Variants in CRB2 observed in about 807,000 individuals in gnomAD.
CRB2 encodes the protein crumbs cell polarity complex component 2.
In CRB2, 85 loss-of-function variants were observed where a neutral mutation model predicts 110.9. The ratio of observed to expected loss-of-function variants is 0.77; its 90% CI spans 0.64 to 0.92. CRB2 has a LOEUF of 0.92. Ranked by LOEUF, CRB2 falls within the 40% of genes least tolerant of loss-of-function variation. The pLI is 0.00. For synonymous variants in CRB2, 907 were observed against 831.0 expected, an observed-to-expected ratio of 1.09 and a Z score of -1.57; for missense variants, 1,843 against 1,851.3, an observed-to-expected ratio of 1.00 and a Z score of 0.08.
chr9:123,371,350 C>T lies in CRB2; in HGVS notation c.2208C>T (p.Asp736=), dbSNP rs1348716749. The change falls in exon 8 of 13, where the codon GAC becomes GAT. Residue 736 remains aspartate (D), a synonymous_variant. Coordinates refer to ENST00000373631, the MANE Select transcript of CRB2 (RefSeq NM_173689.7). ...TGGTGATGCTCAGCTTCGGGCCTGA[C>T]CAGCTGCAGGACCTGGGGCAGCACG... ...RHLVMLSFGP[D]QLQDLGQHVH... The T allele has an allele frequency of 2.2e-5, 35 of 1,604,742 alleles. No homozygotes were observed. Among genetic ancestry groups the T allele is most frequent in the Non-Finnish European group, 2.9e-5 (34 of 1,175,016 alleles).
rs1228527987 is a variant in CRB2, at chr9:123,373,845, G to A, written c.3314G>A (p.Arg1105His). 7.7e-6 allele frequency: 12 copies of A among 1,564,792 alleles called. No homozygotes were observed. Among genetic ancestry groups the A allele is most frequent in the African/African-American group, 1.4e-5 (1 of 73,602 alleles). The change falls in exon 10 of 13, where the codon CGT (arginine) becomes CAT (histidine). Residue 1105 changes from arginine (R) to histidine (H), a missense_variant. Physicochemically the swap from Arg to His is conservative, Grantham distance 29. Coordinates refer to ENST00000373631, the MANE Select transcript of CRB2 (RefSeq NM_173689.7). ...VDPCHSAPCA[R>H]GRCHTHPDGR... is the part of the protein sequence containing the mutation. ...CCCTGTCACTCCGCCCCCTGCGCCC[G>A]TGGCCGCTGTCACACGCACCCCGAC...
rs1434233186 is a variant in CRB2 at position 123,356,221 on chromosome 9, C to G, written c.-40C>G. ...TGCGGAGCCAGCCAGGCCGCCCTCC[C>G]GTTCTCACAGCAGCCGAGCAGAGCG... is the stretch of plus-strand genomic sequence containing the variant. On this transcript the variant is annotated 5_prime_UTR_variant, in exon 1 of 13. Coordinates refer to ENST00000373631, the MANE Select transcript of CRB2 (RefSeq NM_173689.7). The G allele has an allele frequency of 1.5e-6, 2 of 1,367,954 alleles. No individual in the cohort carries two copies. The highest frequency in any genetic ancestry group is 1.6e-5 in the African/African-American group (1 of 60,804). The allele number at this position is 1,367,954 out of a possible 1,614,324, so 84.7% of individuals were successfully genotyped here. A position where few individuals can be genotyped will look rare whatever the true frequency, so the allele number is the denominator to read the frequency against.
At position 123,374,614 on chromosome 9, in the gene CRB2, T is replaced by A; in HGVS notation, c.3425T>A (p.Val1142Asp). 6.2e-7 allele frequency: 1 copy of A among 1,613,470 alleles called. No homozygotes were observed. Among genetic ancestry groups the A allele is most frequent in the Non-Finnish European group, 8.5e-7 (1 of 1,179,938 alleles). The change falls in exon 11 of 13, where the codon GTC becomes GAC. Residue 1142 changes from valine (V) to aspartate (D), a missense_variant. Coordinates refer to ENST00000373631, the MANE Select transcript of CRB2 (RefSeq NM_173689.7). ...PVPSKECSLN[V>D]TCLDGSPCEG... ...CCATCCAAGGAGTGCAGCCTGAATG[T>A]CACCTGCCTCGATGGCAGCCCATGT... is the stretch of plus-strand genomic sequence containing the variant.
In CRB2 at chr9:123,367,672, C is replaced by G. The variant is rs775037162; in HGVS notation, c.1040C>G (p.Pro347Arg). 4 of 1,559,958 alleles carry G rather than the reference C, an allele frequency of 2.6e-6. No homozygotes were observed. Among genetic ancestry groups the G allele is most frequent in the Non-Finnish European group, 3.5e-6 (4 of 1,152,882 alleles). The change falls in exon 6 of 13, where the codon CCA (proline) becomes CGA (arginine). Residue 347 changes from proline to arginine, a missense_variant. Physicochemically the swap from Pro to Arg is moderately radical, Grantham distance 103. Coordinates refer to ENST00000373631, the MANE Select transcript of CRB2 (RefSeq NM_173689.7). ...DLPNGFQCHC[P>R]DGYAGPTCEE... ...CCCAATGGCTTCCAGTGTCACTGCC[C>G]AGATGGCTACGCAGGTGTCTGGGGT... is the stretch of plus-strand genomic sequence containing the variant.
At chr9:123,361,132 C>CG (rs201939429) in intron 1 of CRB2, among the ~76,000 whole-genome samples, 1,894 of 64,800 alleles carry the variant, frequency 0.029, 143 homozygotes, top group African/African-American at 0.054. Context: ...ATTGGATGGG[C>CG]GGGGAGGGGG....
In CRB2 at chr9:123,367,694, G is replaced by A. The variant is rs1408771615; in HGVS notation, c.1054+8G>A. The A allele has an allele frequency of 3.3e-6, 5 of 1,534,792 alleles. No homozygotes were observed. Among genetic ancestry groups the A allele is most frequent in the South Asian group, 2.4e-5 (2 of 83,918 alleles). ...GCCCAGATGGCTACGCAGGTGTCTG[G>A]GGTGGGGTGGGCCCTGGGACCATCA... On this transcript the variant is annotated splice_region_variant and intron_variant, in intron 6 of 12. Coordinates refer to ENST00000373631, the MANE Select transcript of CRB2 (RefSeq NM_173689.7).
Position 123,363,146 on chromosome 9 carries a change from C to A in CRB2, c.376C>A (p.Leu126Met), listed in dbSNP as rs1030134317. ...PCHHGATCRNLADRYECHCPL... is the reference protein window; with the variant it reads ...PCHHGATCRNMADRYECHCPL... ...CCACCATGGGGCCACCTGCCGCAAC[C>A]TGGCCGATCGCTACGAGTGCCATTG... is the stretch of plus-strand genomic sequence containing the variant. Residue 126 changes from leucine (L) to methionine (M), a missense_variant, in exon 2 of 13, where the codon CTG (leucine) becomes ATG (methionine). Coordinates refer to ENST00000373631, the MANE Select transcript of CRB2 (RefSeq NM_173689.7). 2 of 1,610,936 alleles carry A rather than the reference C, an allele frequency of 1.2e-6. No homozygotes were observed. Among genetic ancestry groups the A allele is most frequent in the Middle Eastern group, 1.7e-4 (1 of 6,054 alleles).
Position 123,371,550 on chromosome 9 carries a change from C to G in CRB2, c.2408C>G (p.Ala803Gly). Residue 803 changes from alanine (A) to glycine (G), a missense_variant, in exon 8 of 13, where the codon GCG becomes GGG. By Grantham distance (60) the Ala-to-Gly change is moderately conservative. Coordinates refer to ENST00000373631, the MANE Select transcript of CRB2 (RefSeq NM_173689.7). ...LGGRQSWNLT[A>G]GCVSEDMCSP... ...GGCAGGCAGTCCTGGAACCTCACTG[C>G]GGGCTGCGTCTCCGAGGACATGTGC... 6.2e-7 allele frequency: 1 copy of G among 1,613,028 alleles called. No homozygotes were observed. Among genetic ancestry groups the G allele is most frequent in the Non-Finnish European group, 8.5e-7 (1 of 1,180,028 alleles).
chr9:123,376,099 G>A (rs1014225263), intron 12 of CRB2, among the ~76,000 whole-genome samples: 2 of 152,100 alleles, frequency 1.3e-5, no homozygotes, highest in Non-Finnish European at 2.9e-5. Flanking sequence ...GCAGGGGGAG[G>A]AAATGGCTTT....
upstream of CRB2, among the ~76,000 whole-genome samples, chr9:123,355,067 G>C (rs1029437121): frequency 1.3e-5 from 2 of 152,232 alleles, no homozygotes; most frequent in African/African-American, 4.8e-5. Context: ...GGCATGTATT[G>C]GCAGGGGCCG....
At chr9:123,374,352 T>A (rs922915021) in intron 10 of CRB2, among the ~76,000 whole-genome samples, 1 of 152,206 alleles carries the variant, frequency 6.6e-6, no homozygotes, top group African/African-American at 2.4e-5. Flanking sequence ...GAGCTGCTTT[T>A]GTTCAGAGTC....
intron 11 of CRB2, 40 bp from the exon 12 acceptor site, chr9:123,375,177 C>T (rs1588220908): frequency 6.2e-7 from 1 of 1,610,302 alleles, no homozygotes; most frequent in African/African-American, 1.3e-5. Context: ...AAGAGGCAGC[C>T]ATGGGGGAAG....
chr9:123,355,283 C>A (rs1015467192), upstream of CRB2, among the ~76,000 whole-genome samples: 1 of 152,110 alleles, frequency 6.6e-6, no homozygotes, highest in African/African-American at 2.4e-5. Flanking sequence ...CAGCAGGAGA[C>A]TATAAGGTTA....
In CRB2 at chr9:123,366,394, C is replaced by CG. The variant is rs761072389; in HGVS notation, c.754+34dup. Reference sequence around the variant, plus strand: ...GTGTGCGTGCAGGTGCGCGGCCTGGCGGGGGGAGGGGTAGGTGTGCGCCTG... The same window carrying CG: ...GTGTGCGTGCAGGTGCGCGGCCTGGCGGGGGGGAGGGGTAGGTGTGCGCCTG... On this transcript the variant is annotated intron_variant, in intron 4 of 12. Transcript: ENST00000373631. 1.4e-5 allele frequency: 22 copies of CG among 1,524,814 alleles called. 1 individual carries two copies. Among genetic ancestry groups the CG allele is most frequent in the Middle Eastern group, 2.3e-4 (1 of 4,394 alleles). 94.5% of individuals were successfully genotyped at this position (1,524,814 alleles called of 1,614,324 possible). A position where few individuals can be genotyped will look rare whatever the true frequency, so the allele number is the denominator to read the frequency against.
At chr9:123,361,091 A>C (rs1439884969) in intron 1 of CRB2, among the ~76,000 whole-genome samples, 1 of 145,922 alleles carries the variant, frequency 6.9e-6, no homozygotes, top group Non-Finnish European at 1.5e-5. Flanking sequence ...GCGTGGTCCC[A>C]GCTGCTCTGA....
chr9:123,370,967 C>G lies in CRB2; in HGVS notation c.1914C>G (p.Pro638=), dbSNP rs572836763. 1.0e-5 allele frequency: 16 copies of G among 1,605,034 alleles called. No individual in the cohort carries two copies. The South Asian group carries it at 1.6e-4, about 16-fold the overall frequency. The part of the protein sequence containing the change: ...RCDCARPHRG[P]TCADEIPAAT... ...ACTGTGCCCGGCCCCATAGAGGTCC[C>G]ACGTGCGCTGATGGTGAGGAATAAG... The change falls in exon 7 of 13, where the codon CCC becomes CCG. Residue 638 remains proline, a synonymous_variant. Transcript: ENST00000373631.
chr9:123,361,134 G>A (rs1326452507), intron 1 of CRB2, among the ~76,000 whole-genome samples: 1 of 77,680 alleles, frequency 1.3e-5, no homozygotes, highest in African/African-American at 3.0e-5. Context: ...TGGATGGGCG[G>A]GGAGGGGGGG....
At chr9:123,362,734 GC>G (rs1240963865) in intron 1 of CRB2, 130 bp from the exon 2 acceptor site, 4 of 823,942 alleles carry the variant, frequency 4.9e-6, no homozygotes, top group Admixed American at 5.1e-5. Flanking sequence ...CAGACCCCTG[GC>G]CCTCTGTCCA....
intron 5 of CRB2, 60 bp downstream of exon 5, chr9:123,367,417 G>GCCCACCCCCCCACCCCC (rs199806595): frequency 1.4e-5 from 18 of 1,269,852 alleles, no homozygotes; most frequent in Admixed American, 3.2e-5. Context: ...GGGATCTTGT[G>GCCCACCCCCCCACCCCC]CCCACCCCCC....
Sources: gnomAD v4.1 joint callset for allele counts (sites outside exome capture counted in the v4.1 genomes callset) on GRCh38, gnomAD v4.1.1 for gene constraint, MANE v1.5 for transcripts, NCBI Gene and HGNC (gene_info 2026-07-23, HGNC 2026-07-21) for gene names.